The following ZNF568 variants were observed in gnomAD, a reference collection of about 807,000 sequenced individuals.
ZNF568 encodes the protein zinc finger protein 568.
Under a neutral mutation model 18.1 loss-of-function variants are expected in ZNF568, and 11 were observed. The ratio of observed to expected loss-of-function variants is 0.61; its 90% confidence interval spans 0.38 to 1.00. The LOEUF (loss-of-function observed/expected upper bound fraction) is 1.00, where lower values mean the gene tolerates loss of function less well. Among genes scored for constraint, ZNF568 ranks in the 50% least tolerant of loss-of-function variants. The probability of loss-of-function intolerance (pLI) is 0.01; values close to 1 mark genes in which losing one functional copy is unlikely to be tolerated. For missense variants in ZNF568, 639 were observed against 768.2 expected (o/e 0.83, Z 1.99); for synonymous variants, 213 against 246.6 (o/e 0.86, Z 1.28).
At chr19:36,985,112 C>G (rs761526357) in intron 2 of ZNF568, among the ~76,000 whole-genome samples, 1 of 152,130 alleles carries the variant, frequency 6.6e-6, no homozygotes, top group Non-Finnish European at 1.5e-5. Flanking sequence ...TACATCTGCT[C>G]ATTTGTCTTT....
At chr19:36,940,178 A>G (rs2073857172) in intron 6 of ZNF568, among the ~76,000 whole-genome samples, 3 of 152,230 alleles carry the variant, frequency 2.0e-5, no homozygotes, top group Admixed American at 1.3e-4. Context: ...GCTATTAAAT[A>G]GGTATTTAAC....
chr19:36,975,510 C>A (rs1359443747), intron 7 of ZNF568, among the ~76,000 whole-genome samples: 5 of 148,864 alleles, frequency 3.4e-5, no homozygotes, highest in Admixed American at 3.3e-4. Flanking sequence ...CTCAGCCTTG[C>A]GAGTAGCTGG....
chr19:36,933,924 G>GGTTTTTTTTTTTTTTTTTTTTTTTTTT, intron 4 of ZNF568, among the ~76,000 whole-genome samples: 1 of 29,966 alleles, frequency 3.3e-5, no homozygotes, highest in Non-Finnish European at 6.2e-5. Flanking sequence ...TTGTTTTTTT[G>GGTTTTTTTTTTTTTTTTTTTTTTTTTT]TTTTTTTTTT....
At chr19:36,966,815 T>C (rs826320) in intron 6 of ZNF568, among the ~76,000 whole-genome samples, 88,898 of 152,160 alleles carry the variant, frequency 0.58, 27,071 homozygotes, top group African/African-American at 0.74. Flanking sequence ...CTCCAGAGCA[T>C]GCAGTCTCTT....
chr19:36,963,850 C>G (rs2074173222), intron 6 of ZNF568, among the ~76,000 whole-genome samples: 1 of 151,980 alleles, frequency 6.6e-6, no homozygotes, highest in Admixed American at 6.6e-5. Context: ...GCCTGTAGTC[C>G]CAGCTACTCA....
At chr19:36,929,456 C>T (rs1038930168) in intron 4 of ZNF568, among the ~76,000 whole-genome samples, 1 of 151,992 alleles carries the variant, frequency 6.6e-6, no homozygotes, top group African/African-American at 2.4e-5. Context: ...GAGGCTGAGG[C>T]GGGTGAATCA....
intron 4 of ZNF568, among the ~76,000 whole-genome samples, chr19:36,929,085 AAAG>A (rs2073635207): frequency 6.6e-6 from 1 of 151,882 alleles, no homozygotes. Context: ...TAAGTTTTTA[AAAG>A]AAGAATATTT....
At chr19:36,969,457 C>G (rs2074219768) in intron 6 of ZNF568, among the ~76,000 whole-genome samples, 1 of 152,136 alleles carries the variant, frequency 6.6e-6, no homozygotes, top group African/African-American at 2.4e-5. Flanking sequence ...AATGACAGGT[C>G]ATCCCAACCT....
At chr19:36,967,095 G>T (rs903306134) in intron 6 of ZNF568, among the ~76,000 whole-genome samples, 1 of 152,270 alleles carries the variant, frequency 6.6e-6, no homozygotes, top group South Asian at 2.1e-4. Flanking sequence ...GCATCACACT[G>T]AGCTACAACC....
At chr19:36,956,381 A>G (rs1211571025), downstream of ZNF568, among the ~76,000 whole-genome samples, 3 of 152,056 alleles carry the variant, frequency 2.0e-5, no homozygotes, top group African/African-American at 4.8e-5. Context: ...GAGCAATCCC[A>G]GCTCTAGAGC....
chr19:36,946,909 G>A (rs775752561), intron 6 of ZNF568, among the ~76,000 whole-genome samples: 4 of 152,092 alleles, frequency 2.6e-5, no homozygotes, highest in Non-Finnish European at 5.9e-5. Flanking sequence ...GCCTCCCAAA[G>A]TGCTGGGATT....
intron 6 of ZNF568, among the ~76,000 whole-genome samples, chr19:36,942,186 T>C (rs1165591583): frequency 6.6e-6 from 1 of 151,688 alleles, no homozygotes; most frequent in Non-Finnish European, 1.5e-5. Context: ...TTCACCATGT[T>C]AGTCAGGCTA....
intron 4 of ZNF568, 84 bp from the exon 5 acceptor site, chr19:36,936,662 T>C: frequency 7.2e-7 from 1 of 1,398,534 alleles, no homozygotes; most frequent in Non-Finnish European, 9.7e-7. Flanking sequence ...GACCCCTGAG[T>C]ACCAGCTAAA....
exon 5 of ZNF568, chr19:36,997,126 T>A (rs774817542): frequency 6.4e-7 from 1 of 1,571,198 alleles, no homozygotes; most frequent in East Asian, 2.3e-5. Flanking sequence ...TGAAAGACGC[T>A]ATGAATGCAG....
At chr19:36,988,595 A>G (rs1238755269) in intron 2 of ZNF568, among the ~76,000 whole-genome samples, 9 of 152,180 alleles carry the variant, frequency 5.9e-5, no homozygotes, top group Admixed American at 4.6e-4. Flanking sequence ...GTACTAAGCC[A>G]TTCATGAAGT....
chr19:36,980,309 T>TA (rs1367561629), downstream of ZNF568: 1 of 152,226 alleles, frequency 6.6e-6, no homozygotes, highest in Admixed American at 6.5e-5. Context: ...CTATTTTCTA[T>TA]AAATGATATT....
At chr19:36,974,368 C>G in intron 6 of ZNF568, 1 of 1,507,996 alleles carries the variant, frequency 6.6e-7, no homozygotes, top group Non-Finnish European at 8.9e-7. Flanking sequence ...CCAAGGGGTT[C>G]AGGGAGGGAT....
chr19:36,945,274 C>T (rs2073946182), intron 6 of ZNF568, among the ~76,000 whole-genome samples: 1 of 145,172 alleles, frequency 6.9e-6, no homozygotes. Context: ...ATTAAAAATA[C>T]AATTGGCCCT....
At chr19:36,918,555 G>T (rs1400423167) in intron 2 of ZNF568, among the ~76,000 whole-genome samples, 2 of 152,176 alleles carry the variant, frequency 1.3e-5, no homozygotes, top group South Asian at 4.1e-4. Flanking sequence ...ATCTGAGGCT[G>T]ATTGAATCTG....
Sources: gnomAD v4.1 joint callset for allele counts (sites outside exome capture counted in the v4.1 genomes callset) on GRCh38, gnomAD v4.1.1 for gene constraint, MANE v1.5 for transcripts, NCBI Gene and HGNC (gene_info 2026-07-23, HGNC 2026-07-21) for gene names.